Variants in ANKS1B observed in about 807,000 individuals in gnomAD.
The protein encoded by ANKS1B is ankyrin repeat and sterile alpha motif domain-containing protein 1B.
In ANKS1B, 36 loss-of-function variants were observed where a neutral mutation model predicts 148.3. The ratio of observed to expected loss-of-function variants is 0.24; its 90% CI spans 0.19 to 0.32. ANKS1B has a LOEUF of 0.32. Ranked by LOEUF, ANKS1B falls within the 10% of genes least tolerant of loss-of-function variation. ANKS1B has a pLI of 1.00. For synonymous variants in ANKS1B, 542 were observed against 560.8 expected (o/e 0.97, Z 0.47); for missense variants, 1,157 against 1,542.6 (o/e 0.75, Z 4.19).
Position 99,160,502 on chromosome 12 carries a change from CTA to C in ANKS1B, c.2420-6109_2420-6108del, listed in dbSNP as rs1329978760. On this transcript the variant is annotated intron_variant, in intron 14 of 26. Coordinates refer to ENST00000683438, the MANE Select transcript of ANKS1B (RefSeq NM_001352186.2). ...TACAGGCACCCACCACCACACCAGG[CTA>C]TTTTTTTTTTTTTTTTTGTATTTTT... 8.0e-5 allele frequency among the ~76,000 whole-genome samples: 5 copies of C among 62,868 alleles called. No individual in the cohort carries two copies. In the East Asian group the frequency reaches 3.6e-3, roughly 45 times the overall value. 41.2% of individuals were successfully genotyped at this position (62,868 alleles called of 152,430 possible). A position where few individuals can be genotyped will look rare whatever the true frequency, so the allele number is the denominator to read the frequency against.
chr12:99,087,110 G>T (rs1001178145), intron 15 of ANKS1B, among the ~76,000 whole-genome samples: 1 of 152,206 alleles, frequency 6.6e-6, no homozygotes, highest in Non-Finnish European at 1.5e-5. Flanking sequence ...CAAGGCTTGG[G>T]CAGTGAGTGG....
chr12:99,388,991 C>T (rs550965360), intron 12 of ANKS1B, among the ~76,000 whole-genome samples: 1 of 152,298 alleles, frequency 6.6e-6, no homozygotes, highest in Non-Finnish European at 1.5e-5. Context: ...TATCCTATCA[C>T]CTTTGCCATT....
chr12:98,844,116 GGGCTT>G (rs1337402782), intron 17 of ANKS1B, among the ~76,000 whole-genome samples: 7 of 152,150 alleles, frequency 4.6e-5, no homozygotes, highest in Non-Finnish European at 7.4e-5. Flanking sequence ...ATTAAGAGCA[GGGCTT>G]GGTGTCAGGA....
intron 17 of ANKS1B, among the ~76,000 whole-genome samples, chr12:98,919,494 A>G (rs1460794822): frequency 1.3e-5 from 2 of 152,220 alleles, no homozygotes; most frequent in African/African-American, 4.8e-5. Context: ...TGAATAACTC[A>G]ATCTACCTAA....
chr12:99,020,462 C>G (rs2099945114), intron 17 of ANKS1B, among the ~76,000 whole-genome samples: 1 of 152,060 alleles, frequency 6.6e-6, no homozygotes, highest in Admixed American at 6.6e-5. Flanking sequence ...TGATTAATTA[C>G]ACTACAATTG....
At chr12:99,153,542 T>A (rs1188161432) in intron 15 of ANKS1B, among the ~76,000 whole-genome samples, 2 of 152,144 alleles carry the variant, frequency 1.3e-5, no homozygotes, top group Non-Finnish European at 2.9e-5. Flanking sequence ...CAGTTCCCCA[T>A]CCTCCTTCCT....
intron 14 of ANKS1B, among the ~76,000 whole-genome samples, chr12:99,185,962 C>G (rs1427948073): frequency 6.6e-6 from 1 of 152,166 alleles, no homozygotes; most frequent in Non-Finnish European, 1.5e-5. Flanking sequence ...ATCCCACCCC[C>G]ACAGAGCCCA....
chr12:99,297,910 T>A (rs911952073), intron 12 of ANKS1B, among the ~76,000 whole-genome samples: 1 of 152,268 alleles, frequency 6.6e-6, no homozygotes, highest in East Asian at 1.9e-4. Flanking sequence ...GATACCTTTT[T>A]TTTTTGCTTT....
intron 17 of ANKS1B, among the ~76,000 whole-genome samples, chr12:99,023,833 A>C (rs1458928495): frequency 6.7e-6 from 1 of 149,514 alleles, no homozygotes; most frequent in African/African-American, 2.4e-5. Flanking sequence ...TGAATATTAC[A>C]TATATTTTGT....
At chr12:98,754,046 A>G (rs1429258986) in intron 25 of ANKS1B, among the ~76,000 whole-genome samples, 3 of 152,138 alleles carry the variant, frequency 2.0e-5, no homozygotes, top group Non-Finnish European at 4.4e-5. Flanking sequence ...TGGTCTCAGA[A>G]CCAAGTGGGG....
intron 12 of ANKS1B, among the ~76,000 whole-genome samples, chr12:99,303,639 A>T (rs567005897): frequency 3.0e-4 from 45 of 152,240 alleles, no homozygotes; most frequent in African/African-American, 9.6e-4. Flanking sequence ...TTTTATTTTT[A>T]CGTATTTCAA....
intron 9 of ANKS1B, among the ~76,000 whole-genome samples, chr12:99,544,172 G>T (rs1290036808): frequency 1.3e-5 from 2 of 152,034 alleles, no homozygotes; most frequent in Non-Finnish European, 2.9e-5. Flanking sequence ...CCACCACATG[G>T]TAATATCTGA....
intron 17 of ANKS1B, among the ~76,000 whole-genome samples, chr12:98,891,231 T>C (rs2099751958): frequency 6.6e-6 from 1 of 152,256 alleles, no homozygotes; most frequent in Admixed American, 6.5e-5. Context: ...CTGCATTTCC[T>C]ATTTCCATAT....
intron 7 of ANKS1B, 54 bp from the exon 8 acceptor site, chr12:99,773,142 T>C: frequency 6.9e-7 from 1 of 1,459,002 alleles, no homozygotes; most frequent in South Asian, 1.3e-5. Flanking sequence ...TAAAACTTAA[T>C]GTTAAGCAAT....
chr12:99,780,746 A>C (rs925346558), intron 5 of ANKS1B, among the ~76,000 whole-genome samples: 1 of 152,226 alleles, frequency 6.6e-6, no homozygotes, highest in Admixed American at 6.5e-5. Flanking sequence ...ATCATGTACC[A>C]TGTAAGTAAC....
chr12:99,800,917 G>A (rs1000643759), intron 4 of ANKS1B, among the ~76,000 whole-genome samples: 1 of 152,076 alleles, frequency 6.6e-6, no homozygotes, highest in Non-Finnish European at 1.5e-5. Context: ...TATAGACAGA[G>A]ATGAAAAGAT....
At chr12:99,380,689 A>C (rs963409042) in intron 12 of ANKS1B, among the ~76,000 whole-genome samples, 6 of 150,598 alleles carry the variant, frequency 4.0e-5, no homozygotes, top group African/African-American at 1.5e-4. Context: ...ATTTAGCCAC[A>C]CCTAAACTTA....
At chr12:98,973,165 A>G (rs780089110) in intron 17 of ANKS1B, among the ~76,000 whole-genome samples, 1 of 151,950 alleles carries the variant, frequency 6.6e-6, no homozygotes. Context: ...CTTTACAAAG[A>G]TCTTGTAAGT....
In ANKS1B at chr12:99,068,296, G is replaced by C. The variant is rs370646557; in HGVS notation, c.2626-14987C>G. On this transcript the variant is annotated intron_variant, in intron 16 of 26. Transcript: ENST00000683438. ...TGATTTTGTCATTGTGCGAACATCAGACAGTGTACTTACGCAAACCTAGAT... is the reference window on the plus strand; with the variant it reads ...TGATTTTGTCATTGTGCGAACATCACACAGTGTACTTACGCAAACCTAGAT... 3.0e-4 allele frequency among the ~76,000 whole-genome samples: 46 copies of C among 152,246 alleles called. No individual in the cohort carries two copies. In the East Asian group the frequency reaches 8.1e-3, roughly 27 times the overall value.
Sources: gnomAD v4.1 joint callset for allele counts (sites outside exome capture counted in the v4.1 genomes callset) on GRCh38, gnomAD v4.1.1 for gene constraint, MANE v1.5 for transcripts, NCBI Gene and HGNC (gene_info 2026-07-23, HGNC 2026-07-21) for gene names.